AGBL4: variants seen among roughly 807,000 people sequenced by gnomAD.
AGBL4 encodes AGBL carboxypeptidase 4, also known as cytosolic carboxypeptidase 6.
A neutral mutation model predicts 66.4 loss-of-function variants in AGBL4; 58 were observed. That is an observed-to-expected ratio of 0.87 (90% CI 0.71 to 1.09). The LOEUF (loss-of-function observed/expected upper bound fraction) is 1.09. Among genes scored for constraint, AGBL4 ranks in the 50% least tolerant of loss-of-function variants. AGBL4 has a pLI of 0.00. For synonymous variants in AGBL4, 234 were observed against 222.9 expected (o/e 1.05, Z -0.44); for missense variants, 579 against 631.0 (o/e 0.92, Z 0.88).
chr1:48,862,858 T>C (rs1453994856), intron 6 of AGBL4, among the ~76,000 whole-genome samples: 7 of 152,054 alleles, frequency 4.6e-5, no homozygotes, highest in Non-Finnish European at 4.4e-5. Flanking sequence ...CTCCTCAAAC[T>C]CAAATTTATA....
intron 3 of AGBL4, among the ~76,000 whole-genome samples, chr1:49,426,647 A>C (rs1645666609): frequency 6.6e-6 from 1 of 152,200 alleles, no homozygotes; most frequent in Non-Finnish European, 1.5e-5. Context: ...GCCCCAGTGC[A>C]AAGTAATTTA....
chr1:49,842,163 A>T, intron 2 of AGBL4: 1 of 408,220 alleles, frequency 2.4e-6, no homozygotes, highest in Non-Finnish European at 4.7e-6. Context: ...ACTGCATTGG[A>T]GGAGCATGTG....
At chr1:49,860,809 C>T (rs1312947014) in intron 1 of AGBL4, among the ~76,000 whole-genome samples, 3 of 151,924 alleles carry the variant, frequency 2.0e-5, no homozygotes, top group Non-Finnish European at 2.9e-5. Flanking sequence ...TAACAACTAT[C>T]TACACAGAAA....
chr1:49,966,103 G>C (rs1030635933), intron 1 of AGBL4, among the ~76,000 whole-genome samples: 4 of 151,958 alleles, frequency 2.6e-5, no homozygotes, highest in African/African-American at 9.6e-5. Context: ...CACCATGCCT[G>C]GCTAATTTTT....
intron 3 of AGBL4, among the ~76,000 whole-genome samples, chr1:49,501,336 G>T (rs1648130560): frequency 6.6e-6 from 1 of 151,946 alleles, no homozygotes; most frequent in Non-Finnish European, 1.5e-5. Flanking sequence ...CTTTGCTCTG[G>T]CTGGTGGTTA....
intron 3 of AGBL4, among the ~76,000 whole-genome samples, chr1:49,360,367 T>C (rs1456395054): frequency 6.6e-6 from 1 of 152,138 alleles, no homozygotes; most frequent in Non-Finnish European, 1.5e-5. Flanking sequence ...ATAAAACATA[T>C]AGTAGAATAA....
At chr1:49,482,174 C>A (rs962387551) in intron 3 of AGBL4, among the ~76,000 whole-genome samples, 11 of 151,792 alleles carry the variant, frequency 7.2e-5, no homozygotes, top group African/African-American at 2.7e-4. Flanking sequence ...CCTTCCTTTT[C>A]GATTTTTTGA....
chr1:49,615,673 C>G (rs1219991278), intron 3 of AGBL4, among the ~76,000 whole-genome samples: 1 of 152,116 alleles, frequency 6.6e-6, no homozygotes, highest in Non-Finnish European at 1.5e-5. Context: ...CGAATGAACA[C>G]AGTATCAACA....
Position 49,969,237 on chromosome 1 carries a change from T to C in AGBL4, c.34+54526A>G, listed in dbSNP as rs531303796. Among the ~76,000 whole-genome samples the C allele has an allele frequency of 1.1e-3, 165 of 152,322 alleles. 1 individual carries two copies. Among genetic ancestry groups the C allele is most frequent in the Non-Finnish European group, 2.0e-3 (138 of 68,030 alleles). ...TACAAAAAGCTATACATATTTAATGTATACAACTCGATGAGTTGGAGGTAA... is the reference window on the plus strand; with the variant it reads ...TACAAAAAGCTATACATATTTAATGCATACAACTCGATGAGTTGGAGGTAA... On this transcript the variant is annotated intron_variant, in intron 1 of 13. Transcript: ENST00000371839.
intron 1 of AGBL4, among the ~76,000 whole-genome samples, chr1:49,970,708 A>AACACACACACACAC (rs373722460): frequency 8.8e-6 from 1 of 113,994 alleles, no homozygotes; most frequent in Non-Finnish European, 1.7e-5. Context: ...AAAAAAACAA[A>AACACACACACACAC]ACACACACAC....
At position 49,151,526 on chromosome 1, in the gene AGBL4, G is replaced by A. The variant is rs375870395; in HGVS notation, c.377+94244C>T. ...ATGTGAAGAAAAAAACTGTCATTGC[G>A]TGCTTCAGTAAATAAAAAGAGAATT... On this transcript the variant is annotated intron_variant, in intron 4 of 13. Coordinates refer to ENST00000371839, the MANE Select transcript of AGBL4 (RefSeq NM_032785.4). 3.9e-4 allele frequency among the ~76,000 whole-genome samples: 59 copies of A among 150,046 alleles called. 1 individual carries two copies. In the South Asian group the frequency reaches 9.7e-3, roughly 25 times the overall value.
At chr1:49,317,485 G>C (rs973872875) in intron 3 of AGBL4, among the ~76,000 whole-genome samples, 14 of 151,698 alleles carry the variant, frequency 9.2e-5, no homozygotes, top group African/African-American at 3.4e-4. Flanking sequence ...AGGGAACTGA[G>C]AATTAAGGAA....
intron 3 of AGBL4, among the ~76,000 whole-genome samples, chr1:49,276,816 C>A (rs538287011): frequency 6.6e-6 from 1 of 152,182 alleles, no homozygotes; most frequent in African/African-American, 2.4e-5. Flanking sequence ...TTATAAGGTT[C>A]TGCACCCCAC....
At chr1:49,637,545 T>G (rs1009284653) in intron 3 of AGBL4, among the ~76,000 whole-genome samples, 2 of 152,070 alleles carry the variant, frequency 1.3e-5, no homozygotes, top group East Asian at 3.9e-4. Context: ...TCAGGCGATC[T>G]GCATGCCTTG....
chr1:49,854,502 C>A (rs948618252), intron 1 of AGBL4, among the ~76,000 whole-genome samples: 1 of 152,114 alleles, frequency 6.6e-6, no homozygotes, highest in African/African-American at 2.4e-5. Context: ...CATTGTTCTA[C>A]AGAGGAAACT....
intron 1 of AGBL4, among the ~76,000 whole-genome samples, chr1:49,989,459 T>G (rs531590734): frequency 6.6e-6 from 1 of 152,308 alleles, no homozygotes; most frequent in South Asian, 2.1e-4. Context: ...AGGCCTGTTG[T>G]GGTAGTTACA....
At chr1:49,361,267 C>T (rs1404311805) in intron 3 of AGBL4, among the ~76,000 whole-genome samples, 1 of 152,162 alleles carries the variant, frequency 6.6e-6, no homozygotes, top group East Asian at 1.9e-4. Context: ...CATCATCATT[C>T]CTAACTGATT....
At chr1:49,455,635 T>A (rs1646371329) in intron 3 of AGBL4, among the ~76,000 whole-genome samples, 1 of 151,706 alleles carries the variant, frequency 6.6e-6, no homozygotes, top group African/African-American at 2.4e-5. Context: ...GTTGTCCCAC[T>A]TATAGTGCAT....
chr1:48,558,514 C>T lies in AGBL4; in HGVS notation c.1268-18776G>A, dbSNP rs372068161. ...GTGGCCAATCAGAGCACTGATATAC[C>T]TCTTTCCACAGTGATTAGTGACGTA... is the stretch of plus-strand genomic sequence containing the variant. On this transcript the variant is annotated intron_variant, in intron 11 of 13. Transcript: ENST00000371839. 9.7e-4 allele frequency among the ~76,000 whole-genome samples: 148 copies of T among 152,308 alleles called. 1 individual carries two copies. Among genetic ancestry groups the T allele is most frequent in the African/African-American group, 3.3e-3 (139 of 41,562 alleles).
Sources: allele counts gnomAD v4.1 joint callset (sites outside exome capture counted in the v4.1 genomes callset), GRCh38; gene constraint gnomAD v4.1.1; transcripts MANE v1.5; gene names NCBI Gene and HGNC (gene_info 2026-07-23, HGNC 2026-07-21).